Variants in TTC12 observed in about 807,000 individuals in gnomAD.
TTC12 encodes the protein tetratricopeptide repeat domain 12.
TTC12 carries 70 observed loss-of-function variants against 90.1 expected under a neutral mutation model. The observed-to-expected ratio is 0.78, with a 90% CI of 0.64 to 0.95. The LOEUF (loss-of-function observed/expected upper bound fraction) is 0.95. Among genes scored for constraint, TTC12 ranks in the 40% least tolerant of loss-of-function variants. The pLI is 0.00. For missense variants in TTC12, 819 were observed against 846.1 expected (o/e 0.97, Z 0.40); for synonymous variants, 296 against 311.5 (o/e 0.95, Z 0.53).
At chr11:113,324,294 C>T in intron 4 of TTC12, 1 of 534,354 alleles carries the variant, frequency 1.9e-6, no homozygotes, top group Non-Finnish European at 3.3e-6. Context: ...CTCTGTTGCT[C>T]AGCTCAGAAG....
intron 1 of TTC12, 113 bp downstream of exon 1, chr11:113,314,731 G>A (rs1946809790): frequency 6.5e-6 from 1 of 153,130 alleles, no homozygotes; most frequent in Non-Finnish European, 1.5e-5. Context: ...GGTCTTGGCT[G>A]CGGTCTGGGA....
intron 13 of TTC12, among the ~76,000 whole-genome samples, chr11:113,348,470 G>T (rs532792152): frequency 6.6e-6 from 1 of 152,198 alleles, no homozygotes; most frequent in East Asian, 1.9e-4. Context: ...GCCTCAGTCT[G>T]GTCCCTTAGC....
At chr11:113,349,934 A>G (rs527800005) in intron 13 of TTC12, 139 bp from the exon 14 acceptor site, 33 of 695,608 alleles carry the variant, frequency 4.7e-5, no homozygotes, top group Non-Finnish European at 7.5e-5. Flanking sequence ...TAGGCTTCCT[A>G]GGAGGGCATG....
intron 17 of TTC12, 30 bp from the exon 18 acceptor site, chr11:113,359,910 T>C: frequency 6.4e-7 from 1 of 1,552,290 alleles, no homozygotes; most frequent in South Asian, 1.2e-5. Context: ...AAAATTAAAA[T>C]CTCCTGCTGG....
At chr11:113,329,188 T>A (rs992101749) in intron 6 of TTC12, among the ~76,000 whole-genome samples, 1 of 152,248 alleles carries the variant, frequency 6.6e-6, no homozygotes, top group East Asian at 1.9e-4. Context: ...TATTTAACCT[T>A]CTGAAGAACT....
At chr11:113,363,008 GA>G (rs1555155862) in intron 19 of TTC12, among the ~76,000 whole-genome samples, 48 of 152,212 alleles carry the variant, frequency 3.2e-4, no homozygotes, top group Non-Finnish European at 1.0e-4. Flanking sequence ...CAGTTATCTG[GA>G]TTCACCTGCA....
chr11:113,315,055 C>T (rs559446233), intron 1 of TTC12: 1 of 152,490 alleles, frequency 6.6e-6, no homozygotes, highest in South Asian at 2.1e-4. Flanking sequence ...CATGCACCCG[C>T]GCGCCTGCCT....
chr11:113,350,544 TG>T (rs1451823339), intron 14 of TTC12, among the ~76,000 whole-genome samples: 4 of 152,244 alleles, frequency 2.6e-5, no homozygotes, highest in Admixed American at 2.0e-4. Flanking sequence ...CAAGCAAGAA[TG>T]AACAGTCAAC....
intron 20 of TTC12, chr11:113,364,600 T>A (rs1950105444): frequency 3.7e-6 from 2 of 536,822 alleles, no homozygotes; most frequent in Non-Finnish European, 3.4e-6. Context: ...AACAACTGTG[T>A]TGTGCTGGGC....
At chr11:113,355,700 A>T (rs1949597343) in intron 16 of TTC12, among the ~76,000 whole-genome samples, 1 of 152,134 alleles carries the variant, frequency 6.6e-6, no homozygotes, top group Non-Finnish European at 1.5e-5. Context: ...GAACTTCTTG[A>T]TTTCTGCCTT....
intron 18 of TTC12, among the ~76,000 whole-genome samples, chr11:113,362,060 A>G (rs61904028): frequency 1.4e-3 from 208 of 152,290 alleles, no homozygotes; most frequent in Non-Finnish European, 2.3e-3. Context: ...AATGACACAG[A>G]AGACCAATCC....
intron 14 of TTC12, among the ~76,000 whole-genome samples, chr11:113,350,629 TG>T (rs1402798005): frequency 1.3e-5 from 2 of 152,252 alleles, no homozygotes; most frequent in African/African-American, 4.8e-5. Flanking sequence ...TGTGTTGTTT[TG>T]TTTTGTTTTG....
At chr11:113,355,643 T>G (rs1555152209) in intron 16 of TTC12, among the ~76,000 whole-genome samples, 1 of 152,238 alleles carries the variant, frequency 6.6e-6, no homozygotes, top group Non-Finnish European at 1.5e-5. Flanking sequence ...CTTACCTATG[T>G]CCCAGAGATT....
chr11:113,366,944 T>C (rs549950428), downstream of TTC12, among the ~76,000 whole-genome samples: 1 of 152,192 alleles, frequency 6.6e-6, no homozygotes, highest in Non-Finnish European at 1.5e-5. Context: ...CCCTGTTCCA[T>C]GGGTTAGATT....
chr11:113,345,318 G>A (rs1948888149), intron 13 of TTC12, among the ~76,000 whole-genome samples: 1 of 152,098 alleles, frequency 6.6e-6, no homozygotes, highest in African/African-American at 2.4e-5. Flanking sequence ...CATCCTGCGG[G>A]GTAGGCAAGG....
At chr11:113,369,351 C>T (rs1247528284), downstream of TTC12, among the ~76,000 whole-genome samples, 1 of 152,020 alleles carries the variant, frequency 6.6e-6, no homozygotes, top group Admixed American at 6.6e-5. Flanking sequence ...GAACTCCTGA[C>T]CTCAAGTGAT....
In TTC12 at chr11:113,351,712, G is replaced by GCAA. The variant is rs1262282367; in HGVS notation, c.1309-356_1309-354dup. Among the ~76,000 whole-genome samples, 5 of 152,310 alleles carry GCAA rather than the reference G, an allele frequency of 3.3e-5. No homozygotes were observed. In the East Asian group the frequency reaches 7.7e-4, roughly 24 times the overall value. Reference sequence around the variant, plus strand: ...AGGGCTTCTCCTTGGAGAGTGTGTTGCAACTGGAGCCTATCCCTTATGAAC... The same window carrying GCAA: ...AGGGCTTCTCCTTGGAGAGTGTGTTGCAACAACTGGAGCCTATCCCTTATGAAC... On this transcript the variant is annotated intron_variant, in intron 15 of 21. Transcript: ENST00000529221.
chr11:113,316,739 T>A (rs1946962114), intron 2 of TTC12, among the ~76,000 whole-genome samples: 1 of 152,238 alleles, frequency 6.6e-6, no homozygotes. Flanking sequence ...GGCTTTCCTT[T>A]AGGATCCATC....
In TTC12 at chr11:113,353,638, T is replaced by C. The variant is rs140291583; in HGVS notation, c.1446+1431T>C. On this transcript the variant is annotated intron_variant, in intron 16 of 21. Coordinates refer to ENST00000529221, the MANE Select transcript of TTC12 (RefSeq NM_017868.4). ...TTATTCCATCTTGAGTTAATATTTG[T>C]ATATTGTGAAAGGAAGGGGTCCAGT... Among the ~76,000 whole-genome samples the C allele has an allele frequency of 1.1e-3, 167 of 152,352 alleles. No homozygotes were observed. In the Middle Eastern group the frequency reaches 0.027, roughly 25 times the overall value.
Sources: gnomAD v4.1 joint callset for allele counts (sites outside exome capture counted in the v4.1 genomes callset) on GRCh38, gnomAD v4.1.1 for gene constraint, MANE v1.5 for transcripts, NCBI Gene and HGNC (gene_info 2026-07-23, HGNC 2026-07-21) for gene names.